Variants in ARHGAP24 observed in about 807,000 individuals in gnomAD.
ARHGAP24 encodes Rho GTPase activating protein 24, also known as rho GTPase-activating protein 24.
A neutral mutation model predicts 76.4 loss-of-function variants in ARHGAP24; 50 were observed. That is an observed-to-expected ratio of 0.65 (90% CI 0.52 to 0.83). The LOEUF is 0.83. Among genes scored for constraint, ARHGAP24 ranks in the 40% least tolerant of loss-of-function variants. ARHGAP24 has a pLI of 0.00. For synonymous variants in ARHGAP24, 345 were observed against 323.3 expected (o/e 1.07, Z -0.72); for missense variants, 930 against 914.2 (o/e 1.02, Z -0.22).
At chr4:85,679,018 G>A (rs771629955) in intron 2 of ARHGAP24, among the ~76,000 whole-genome samples, 5 of 152,122 alleles carry the variant, frequency 3.3e-5, no homozygotes, top group Middle Eastern at 3.2e-3. Flanking sequence ...CAGGAGTCAC[G>A]CAAAATATAA....
At chr4:85,991,455 C>G (rs1740315145) in intron 8 of ARHGAP24, 1 of 152,132 alleles carries the variant, frequency 6.6e-6, no homozygotes, top group Non-Finnish European at 1.5e-5. Flanking sequence ...TGGAAACAGA[C>G]CAATTCTCCA....
At chr4:85,655,818 A>AGAAAG (rs1237643654) in intron 2 of ARHGAP24, among the ~76,000 whole-genome samples, 11 of 35,508 alleles carry the variant, frequency 3.1e-4, no homozygotes, top group Non-Finnish European at 3.1e-4. Flanking sequence ...GAGAGAGAGA[A>AGAAAG]AGAGAGAGAG....
intron 2 of ARHGAP24, among the ~76,000 whole-genome samples, chr4:85,621,400 TC>T (rs1234894487): frequency 6.6e-6 from 1 of 152,152 alleles, no homozygotes; most frequent in Non-Finnish European, 1.5e-5. Flanking sequence ...GTATAAATGT[TC>T]TTTTTTCTTC....
chr4:85,487,489 CAT>C lies in ARHGAP24; in HGVS notation c.-21+11935_-21+11936del, dbSNP rs1215244869. 7.8e-4 allele frequency among the ~76,000 whole-genome samples: 76 copies of C among 97,924 alleles called. 1 individual carries two copies. The highest frequency in any genetic ancestry group is 2.8e-3 in the African/African-American group (66 of 23,286). 64.2% of individuals were successfully genotyped at this position (97,924 alleles called of 152,430 possible). On this transcript the variant is annotated intron_variant, in intron 1 of 9. Transcript: ENST00000395184. ...ATATATTTATTACATATTATATAAA[CAT>C]ATATTTATTACATATTATATAAACA...
intron 5 of ARHGAP24, among the ~76,000 whole-genome samples, chr4:85,943,627 C>G (rs1737074927): frequency 6.6e-6 from 1 of 152,106 alleles, no homozygotes; most frequent in Non-Finnish European, 1.5e-5. Flanking sequence ...CACCCCACAA[C>G]AGGCCTGGTG....
rs543963823 is a variant in ARHGAP24 at position 85,959,185 on chromosome 4, C to T, written c.600-12851C>T. ...CAAGCGATGGATTATTCATGCCTCC[C>T]CTTTTTAGACCATATAGGGTAACTT... is the stretch of plus-strand genomic sequence containing the variant. On this transcript the variant is annotated intron_variant, in intron 5 of 9. Transcript: ENST00000395184. Among the ~76,000 whole-genome samples, 35 of 152,306 alleles carry T rather than the reference C, an allele frequency of 2.3e-4. No individual in the cohort carries two copies. In the South Asian group the frequency reaches 7.3e-3, roughly 32 times the overall value.
intron 1 of ARHGAP24, among the ~76,000 whole-genome samples, chr4:85,528,930 T>C (rs1384659218): frequency 6.6e-6 from 1 of 151,968 alleles, no homozygotes. Flanking sequence ...TGACTACTCT[T>C]GAGCTGATCA....
rs895023278 is a variant in ARHGAP24 at position 85,898,043 on chromosome 4, A to G, written c.269-25605A>G. ...CACACACATATATGTGTATATATAT[A>G]TATATATATATATATAATTATTTTT... On this transcript the variant is annotated intron_variant, in intron 3 of 9. Coordinates refer to ENST00000395184, the MANE Select transcript of ARHGAP24 (RefSeq NM_001025616.3). 2.7e-4 allele frequency among the ~76,000 whole-genome samples: 39 copies of G among 146,360 alleles called. 1 individual carries two copies. The highest frequency in any genetic ancestry group is 5.5e-4 in the Admixed American group (8 of 14,624).
chr4:85,591,225 T>C (rs1728094124), intron 2 of ARHGAP24, among the ~76,000 whole-genome samples: 1 of 151,942 alleles, frequency 6.6e-6, no homozygotes, highest in Non-Finnish European at 1.5e-5. Flanking sequence ...ATTGTATTTT[T>C]AGTAGAAATG....
chr4:85,637,864 T>G (rs1435693563), intron 2 of ARHGAP24, among the ~76,000 whole-genome samples: 1 of 152,092 alleles, frequency 6.6e-6, no homozygotes, highest in Non-Finnish European at 1.5e-5. Context: ...GTTTTTCTTT[T>G]TAAAAGGAAC....
At chr4:85,797,161 GTTTTT>G (rs71672797) in intron 3 of ARHGAP24, among the ~76,000 whole-genome samples, 26 of 148,464 alleles carry the variant, frequency 1.8e-4, no homozygotes, top group African/African-American at 6.5e-4. Flanking sequence ...AATTTTTTTT[GTTTTT>G]TTTTTTGTTT....
chr4:85,808,396 A>G (rs1728880257), intron 3 of ARHGAP24, among the ~76,000 whole-genome samples: 1 of 152,118 alleles, frequency 6.6e-6, no homozygotes, highest in Admixed American at 6.5e-5. Flanking sequence ...TTTTTGGTTC[A>G]TTGTAAATCC....
chr4:85,865,342 T>A (rs1018798235), intron 3 of ARHGAP24, among the ~76,000 whole-genome samples: 1 of 151,648 alleles, frequency 6.6e-6, no homozygotes, highest in Non-Finnish European at 1.5e-5. Context: ...GCTAACTCCT[T>A]TTCTTTCAGT....
At chr4:85,827,784 TG>T in intron 3 of ARHGAP24, 1 of 558,222 alleles carries the variant, frequency 1.8e-6, no homozygotes, top group Non-Finnish European at 2.8e-6. Flanking sequence ...CCACTAGTGC[TG>T]GGGAGCGAGC....
intron 2 of ARHGAP24, among the ~76,000 whole-genome samples, chr4:85,640,773 T>G (rs1721491753): frequency 2.0e-5 from 3 of 152,184 alleles, no homozygotes; most frequent in Non-Finnish European, 4.4e-5. Context: ...TTTAAGTGCA[T>G]TTATGGCTTT....
At chr4:85,871,946 G>T (rs1398196887) in intron 3 of ARHGAP24, among the ~76,000 whole-genome samples, 1 of 151,512 alleles carries the variant, frequency 6.6e-6, no homozygotes, top group Non-Finnish European at 1.5e-5. Context: ...CATTTAAAAA[G>T]AATAACTATT....
At chr4:85,985,857 G>C (rs1431119434) in intron 8 of ARHGAP24, among the ~76,000 whole-genome samples, 3 of 152,178 alleles carry the variant, frequency 2.0e-5, no homozygotes, top group Non-Finnish European at 2.9e-5. Context: ...AGATACAACA[G>C]GTGTTTGCAG....
chr4:85,664,340 T>C (rs543364634), intron 2 of ARHGAP24, among the ~76,000 whole-genome samples: 3 of 148,618 alleles, frequency 2.0e-5, no homozygotes, highest in African/African-American at 5.2e-5. Flanking sequence ...TTGTATTTCT[T>C]TGGGATTGGT....
At position 85,728,230 on chromosome 4, in the gene ARHGAP24, G is replaced by C. The variant is rs1166235610; in HGVS notation, c.268+6258G>C. On this transcript the variant is annotated intron_variant, in intron 3 of 9. Coordinates refer to ENST00000395184, the MANE Select transcript of ARHGAP24 (RefSeq NM_001025616.3). ...ATCTAATAAATGCATTGATCCTTTTGCCAAAAAAAAAAAAAAAAAAAAAGG... is the reference window on the plus strand; with the variant it reads ...ATCTAATAAATGCATTGATCCTTTTCCCAAAAAAAAAAAAAAAAAAAAAGG... Among the ~76,000 whole-genome samples the C allele has an allele frequency of 1.5e-4, 11 of 75,668 alleles. No individual in the cohort carries two copies. The South Asian group carries it at 5.6e-3, about 39-fold the overall frequency. 49.6% of individuals were successfully genotyped at this position (75,668 alleles called of 152,430 possible).
Sources: allele counts gnomAD v4.1 joint callset (sites outside exome capture counted in the v4.1 genomes callset), GRCh38; gene constraint gnomAD v4.1.1; transcripts MANE v1.5; gene names NCBI Gene and HGNC (gene_info 2026-07-23, HGNC 2026-07-21).